The following GLI2 variants were observed in gnomAD, a reference collection of about 807,000 sequenced individuals.
The protein encoded by GLI2 is transcription activator GLI2.
In GLI2, 22 loss-of-function variants were observed where a neutral mutation model predicts 78.9. The observed-to-expected ratio is 0.28, with a 90% CI of 0.20 to 0.40. The LOEUF (loss-of-function observed/expected upper bound fraction) is 0.40, where lower values mean the gene tolerates loss of function less well. GLI2 is among the 10% of genes least tolerant of loss of function. The pLI, the probability that GLI2 is intolerant of heterozygous loss-of-function variation, is 1.00. For missense variants in GLI2, 2,097 were observed against 2,213.2 expected (o/e 0.95, Z 1.05); for synonymous variants, 974 against 963.7 (o/e 1.01, Z -0.20).
chr2:120,746,430 G>A (rs1167452424), intron 1 of GLI2, among the ~76,000 whole-genome samples: 1 of 152,182 alleles, frequency 6.6e-6, no homozygotes, highest in Non-Finnish European at 1.5e-5. Flanking sequence ...GAAAGTAGAA[G>A]GCCTAAGAGA....
chr2:120,774,046 C>T (rs1683606856), intron 1 of GLI2, among the ~76,000 whole-genome samples: 1 of 151,112 alleles, frequency 6.6e-6, no homozygotes, highest in Non-Finnish European at 1.5e-5. Flanking sequence ...CACTTACAAG[C>T]AGCCCAATTT....
At position 120,990,324 on chromosome 2, in the gene GLI2, G is replaced by T. The variant is rs1323025043; in HGVS notation, c.4359G>T (p.Arg1453=). The T allele has an allele frequency of 6.2e-7, 1 of 1,613,792 alleles. No homozygotes were observed. The highest frequency in any genetic ancestry group is 1.1e-5 in the South Asian group (1 of 91,082). ...LENLGSCQVM[R]SQPPQPQACQ... ...ACCTCGGGAGCTGCCAGGTCATGCG[G>T]TCCCAGCCACCACAGCCACAGGCCT... The change falls in exon 14 of 14, where the codon CGG becomes CGT. Residue 1453 remains arginine (R), a synonymous_variant. Coordinates refer to ENST00000361492, the MANE Select transcript of GLI2 (RefSeq NM_001374353.1).
chr2:120,821,477 C>A (rs904640455), intron 2 of GLI2, among the ~76,000 whole-genome samples: 2 of 152,076 alleles, frequency 1.3e-5, no homozygotes, highest in African/African-American at 4.8e-5. Flanking sequence ...CTCATTCTGG[C>A]CGAGACTGTC....
chr2:120,751,304 T>C (rs1350122548), intron 1 of GLI2, among the ~76,000 whole-genome samples: 1 of 152,186 alleles, frequency 6.6e-6, no homozygotes, highest in Non-Finnish European at 1.5e-5. Flanking sequence ...AATTCTAGTC[T>C]TTTTTTCCTG....
intron 2 of GLI2, among the ~76,000 whole-genome samples, chr2:120,823,787 G>C (rs575331220): frequency 1.8e-4 from 27 of 152,310 alleles, no homozygotes; most frequent in Middle Eastern, 6.8e-3. Flanking sequence ...GGCATGTGCG[G>C]AAGTGAAGCC....
At chr2:120,878,563 ACAGTATAAAAG>A (rs1429344528) in intron 2 of GLI2, among the ~76,000 whole-genome samples, 2 of 152,258 alleles carry the variant, frequency 1.3e-5, no homozygotes, top group African/African-American at 4.8e-5. Context: ...AATTACATAC[ACAGTATAAAAG>A]TTATTTTTTT....
chr2:120,970,072 C>G (rs1369357334), intron 6 of GLI2, among the ~76,000 whole-genome samples: 1 of 152,118 alleles, frequency 6.6e-6, no homozygotes, highest in African/African-American at 2.4e-5. Flanking sequence ...CAGGGAGCAG[C>G]GATACAGACA....
Position 120,989,206 on chromosome 2 carries a change from A to G in GLI2, c.3241A>G (p.Arg1081Gly), listed in dbSNP as rs1573741208. 6.2e-7 allele frequency: 1 copy of G among 1,613,184 alleles called. No homozygotes were observed. The highest frequency in any genetic ancestry group is 8.5e-7 in the Non-Finnish European group (1 of 1,180,010). ...AAGCACTGGCTTCTCTGACAACCCC[A>G]GACTACCCAGCCCGGGGCTGCACGG... ...TESTGFSDNPRLPSPGLHGQR... is the reference protein window; with the variant it reads ...TESTGFSDNPGLPSPGLHGQR... Residue 1081 changes from arginine to glycine, a missense_variant, in exon 14 of 14, where the codon AGA becomes GGA. Physicochemically the swap from Arg to Gly is moderately radical, Grantham distance 125. Transcript: ENST00000361492.
chr2:120,837,513 T>A (rs1180683354), intron 2 of GLI2, among the ~76,000 whole-genome samples: 1 of 152,160 alleles, frequency 6.6e-6, no homozygotes. Context: ...CGGTTGTACA[T>A]TTTAACACAG....
chr2:120,902,321 G>A lies in GLI2; in HGVS notation c.149-25040G>A, dbSNP rs116128643. Among the ~76,000 whole-genome samples, 772 of 150,694 alleles carry A rather than the reference G, an allele frequency of 5.1e-3. 13 individuals are homozygous for A. Among genetic ancestry groups the A allele is most frequent in the African/African-American group, 0.018 (731 of 41,074 alleles). ...GGGAAAACACACAATAATAAGAAAA[G>A]CCTAGGGTCCAGTGAGAGAAGAAGC... On this transcript the variant is annotated intron_variant, in intron 2 of 13. Transcript: ENST00000361492.
intron 2 of GLI2, among the ~76,000 whole-genome samples, chr2:120,906,599 T>C (rs1486040364): frequency 6.6e-6 from 1 of 151,932 alleles, no homozygotes. Context: ...ACCCAATGTC[T>C]CCCAGAGGAC....
At chr2:120,807,104 G>A (rs373502339) in intron 2 of GLI2, among the ~76,000 whole-genome samples, 2 of 152,202 alleles carry the variant, frequency 1.3e-5, no homozygotes, top group East Asian at 3.9e-4. Flanking sequence ...AGGGGGCTGG[G>A]GAGGGGGTCA....
intron 4 of GLI2, among the ~76,000 whole-genome samples, chr2:120,953,851 T>TA (rs1014203907): frequency 3.8e-4 from 57 of 151,648 alleles, no homozygotes; most frequent in Admixed American, 9.9e-4. Context: ...ATCCTGTCTC[T>TA]AAAAAAAAAT....
intron 2 of GLI2, among the ~76,000 whole-genome samples, chr2:120,841,846 A>AGG (rs1027217471): frequency 0.021 from 1,636 of 76,958 alleles, 13 homozygotes; most frequent in Non-Finnish European, 0.025. Context: ...GCCAGTCTGG[A>AGG]GGGTGTGTGT....
intron 2 of GLI2, chr2:120,866,654 G>C (rs138862712): frequency 6.6e-6 from 1 of 151,976 alleles, no homozygotes; most frequent in Non-Finnish European, 1.5e-5. Flanking sequence ...CAGACAGGGC[G>C]GGTGGTGAGT....
At chr2:120,933,212 C>T (rs576586174) in intron 3 of GLI2, among the ~76,000 whole-genome samples, 1 of 152,256 alleles carries the variant, frequency 6.6e-6, no homozygotes, top group South Asian at 2.1e-4. Context: ...AGCTCGATGG[C>T]CTCCTCATAG....
chr2:120,857,844 A>C (rs1369583120), intron 2 of GLI2, among the ~76,000 whole-genome samples: 5 of 141,990 alleles, frequency 3.5e-5, no homozygotes, highest in African/African-American at 1.3e-4. Flanking sequence ...GGCCCTTGTA[A>C]ACCCTCCTTC....
intron 2 of GLI2, among the ~76,000 whole-genome samples, chr2:120,898,418 G>T (rs1293877895): frequency 6.6e-6 from 1 of 152,140 alleles, no homozygotes; most frequent in East Asian, 1.9e-4. Context: ...TGTGAGCGAG[G>T]GCTGCCTCAC....
At chr2:120,945,636 A>G (rs1004574024) in intron 3 of GLI2, among the ~76,000 whole-genome samples, 3 of 152,144 alleles carry the variant, frequency 2.0e-5, no homozygotes, top group African/African-American at 7.2e-5. Context: ...AAACTGGCTC[A>G]TCCTCTCTCA....
Sources: allele counts gnomAD v4.1 joint callset (sites outside exome capture counted in the v4.1 genomes callset), GRCh38; gene constraint gnomAD v4.1.1; transcripts MANE v1.5; gene names NCBI Gene and HGNC (gene_info 2026-07-23, HGNC 2026-07-21).